TENT5C: variants seen among roughly 807,000 people sequenced by gnomAD.
TENT5C encodes terminal nucleotidyltransferase 5C.
In TENT5C, 5 loss-of-function variants were observed where a neutral mutation model predicts 22.2. The observed-to-expected ratio is 0.22, with a 90% CI of 0.12 to 0.47. The LOEUF is 0.47. TENT5C is among the 20% of genes least tolerant of loss of function. The pLI is 0.99. For synonymous variants in TENT5C, 199 were observed against 195.4 expected, an observed-to-expected ratio of 1.02 and a Z score of -0.15; for missense variants, 364 against 500.9, an observed-to-expected ratio of 0.73 and a Z score of 2.61.
intron 1 of TENT5C, among the ~76,000 whole-genome samples, chr1:117,621,948 C>T (rs936474747): frequency 9.9e-5 from 15 of 152,164 alleles, no homozygotes; most frequent in African/African-American, 3.6e-4. Flanking sequence ...TCTCCTAGTA[C>T]TCATTGCCAA....
chr1:117,607,054 G>A (rs1430720325), intron 1 of TENT5C, among the ~76,000 whole-genome samples: 3 of 152,216 alleles, frequency 2.0e-5, no homozygotes, highest in Non-Finnish European at 4.4e-5. Context: ...TCGCGAGGCA[G>A]GAGGGAGCAG....
intron 1 of TENT5C, among the ~76,000 whole-genome samples, chr1:117,621,264 G>C (rs77725562): frequency 0.024 from 3,663 of 152,174 alleles, 133 homozygotes; most frequent in African/African-American, 0.084. Context: ...GCTGCTTTCT[G>C]CCTCTCGGCC....
chr1:117,616,446 G>T (rs577858128), intron 1 of TENT5C, among the ~76,000 whole-genome samples: 1 of 152,300 alleles, frequency 6.6e-6, no homozygotes, highest in South Asian at 2.1e-4. Flanking sequence ...TAATGGAATG[G>T]TCTCTTTTTG....
At chr1:117,610,499 T>C (rs1325142675) in intron 1 of TENT5C, among the ~76,000 whole-genome samples, 1 of 152,210 alleles carries the variant, frequency 6.6e-6, no homozygotes, top group Non-Finnish European at 1.5e-5. Context: ...GGGGACCCGC[T>C]CTTTTCACAC....
Position 117,623,909 on chromosome 1 carries a change from C to T in TENT5C, c.1041C>T (p.Ile347=). 6.2e-7 allele frequency: 1 copy of T among 1,614,174 alleles called. No homozygotes were observed. Among genetic ancestry groups the T allele is most frequent in the Non-Finnish European group, 8.5e-7 (1 of 1,180,034 alleles). ...ALRVLAEQNI[I]PSATNVTCYY... ...GTGTGCTGGCGGAACAAAACATCAT[C>T]CCCAGTGCCACCAACGTCACCTGTT... The change falls in exon 2 of 2, where the codon ATC becomes ATT. Residue 347 remains isoleucine, a synonymous_variant. Coordinates refer to ENST00000369448, the MANE Select transcript of TENT5C (RefSeq NM_017709.4).
chr1:117,608,521 G>A (rs1249118484), intron 1 of TENT5C, among the ~76,000 whole-genome samples: 1 of 152,180 alleles, frequency 6.6e-6, no homozygotes, highest in East Asian at 1.9e-4. Flanking sequence ...AAAGTCCAAG[G>A]AACAGTGCAG....
At chr1:117,610,033 C>A (rs1653630896) in intron 1 of TENT5C, among the ~76,000 whole-genome samples, 2 of 152,190 alleles carry the variant, frequency 1.3e-5, no homozygotes, top group Non-Finnish European at 2.9e-5. Context: ...TTCCCACCCT[C>A]CCTGACACCA....
chr1:117,624,210 A>G lies in TENT5C; in HGVS notation c.*166A>G. 1 of 637,908 alleles carries G rather than the reference A, an allele frequency of 1.6e-6. No individual in the cohort carries two copies. Among genetic ancestry groups the G allele is most frequent in the Non-Finnish European group, 2.7e-6 (1 of 372,346 alleles). 39.5% of individuals were successfully genotyped at this position (637,908 alleles called of 1,614,324 possible). ...TGTGTACCCATTGGAATGGGTCTAC[A>G]GTGTATCATGAGCCAACCCTCAAAG... On this transcript the variant is annotated 3_prime_UTR_variant, in exon 2 of 2. Coordinates refer to ENST00000369448, the MANE Select transcript of TENT5C (RefSeq NM_017709.4).
In TENT5C at chr1:117,624,120, A is replaced by G; in HGVS notation, c.*76A>G. 1 of 1,221,026 alleles carries G rather than the reference A, an allele frequency of 8.2e-7. No individual in the cohort carries two copies. The allele number at this position is 1,221,026 out of a possible 1,614,324, so 75.6% of individuals were successfully genotyped here. ...CTCAGGTAGGGGAGCCTCCTTCTAGATGTAGGCATTTGGCTTTTAAAGGGG... is the reference window on the plus strand; with the variant it reads ...CTCAGGTAGGGGAGCCTCCTTCTAGGTGTAGGCATTTGGCTTTTAAAGGGG... On this transcript the variant is annotated 3_prime_UTR_variant, in exon 2 of 2. Coordinates refer to ENST00000369448, the MANE Select transcript of TENT5C (RefSeq NM_017709.4).
chr1:117,623,696 C>T lies in TENT5C; in HGVS notation c.828C>T (p.Ile276=), dbSNP rs757468379. The change falls in exon 2 of 2, where the codon ATC becomes ATT. Residue 276 remains isoleucine, a synonymous_variant. Transcript: ENST00000369448. ...LERYMCSRFF[I]DFPDILEQQR... ...GCTACATGTGCTCCAGGTTCTTCAT[C>T]GACTTCCCGGACATCCTTGAACAGC... 35 of 1,614,112 alleles carry T rather than the reference C, an allele frequency of 2.2e-5. No individual in the cohort carries two copies. Among genetic ancestry groups the T allele is most frequent in the South Asian group, 9.9e-5 (9 of 91,072 alleles).
At position 117,626,997 on chromosome 1, in the gene TENT5C, G is replaced by A. The variant is rs886839237; in HGVS notation, c.*2953G>A. 6 of 247,988 alleles carry A rather than the reference G, an allele frequency of 2.4e-5. No homozygotes were observed. Among genetic ancestry groups the A allele is most frequent in the Admixed American group, 1.7e-4 (3 of 17,770 alleles). The allele number at this position is 247,988 out of a possible 1,614,324, so 15.4% of individuals were successfully genotyped here. On this transcript the variant is annotated 3_prime_UTR_variant, in exon 2 of 2. Coordinates refer to ENST00000369448, the MANE Select transcript of TENT5C (RefSeq NM_017709.4). ...CTCCCCTTTAAATCTTACCTTGGCA[G>A]TAACACATTATTCCTCATTCAATAA...
intron 1 of TENT5C, among the ~76,000 whole-genome samples, chr1:117,611,236 C>G (rs537172058): frequency 1.3e-5 from 2 of 152,334 alleles, no homozygotes; most frequent in South Asian, 4.1e-4. Context: ...GAGGACTGAT[C>G]CAGAAGCAGA....
In TENT5C at chr1:117,623,881, T is replaced by C; in HGVS notation, c.1013T>C (p.Leu338Ser). 1 of 1,614,114 alleles carries C rather than the reference T, an allele frequency of 6.2e-7. No individual in the cohort carries two copies. The highest frequency in any genetic ancestry group is 8.5e-7 in the Non-Finnish European group (1 of 1,180,018). ...CTGAACCTCATCTCCCTCCTGGCCT[T>C]GCGTGTGCTGGCGGAACAAAACATC... ...QTLNLISLLA[L>S]RVLAEQNIIP... Residue 338 changes from leucine to serine, a missense_variant, in exon 2 of 2, where the codon TTG (leucine) becomes TCG (serine). By Grantham distance (145) the Leu-to-Ser change is moderately radical (BLOSUM62 -2). Transcript: ENST00000369448.
intron 1 of TENT5C, among the ~76,000 whole-genome samples, chr1:117,622,415 T>A (rs1168546602): frequency 1.3e-5 from 2 of 151,768 alleles, no homozygotes; most frequent in Non-Finnish European, 2.9e-5. Flanking sequence ...ATGTAGACAT[T>A]CTCTTTTTCA....
At position 117,627,887 on chromosome 1, in the gene TENT5C, A is replaced by T. The variant is rs182091336; in HGVS notation, c.*3843A>T. On this transcript the variant is annotated 3_prime_UTR_variant, in exon 2 of 2. Transcript: ENST00000369448. ...GTGCGTGTGTGTGTTCAAGTGCCTA[A>T]ATCTTGTTTACCTATCACTTTAAAA... 4 of 247,614 alleles carry T rather than the reference A, an allele frequency of 1.6e-5. No individual in the cohort carries two copies. Among genetic ancestry groups the T allele is most frequent in the Middle Eastern group, 1.3e-3 (1 of 788 alleles). 15.3% of individuals were successfully genotyped at this position (247,614 alleles called of 1,614,324 possible). A position where few individuals can be genotyped will look rare whatever the true frequency, so the allele number is the denominator to read the frequency against.
rs1775815 is a variant in TENT5C at position 117,606,208 on chromosome 1, G to T, written c.-28+55G>T. 0.61 allele frequency: 92,860 copies of T among 151,820 alleles called. 28,811 individuals carry two copies. The highest frequency in any genetic ancestry group is 0.7 in the African/African-American group (29,158 of 41,400). The allele number at this position is 151,820 out of a possible 1,614,324, so 9.4% of individuals were successfully genotyped here. On this transcript the variant is annotated intron_variant, in intron 1 of 1. Coordinates refer to ENST00000369448, the MANE Select transcript of TENT5C (RefSeq NM_017709.4). ...TGCGGCGATGCGGCAGCAGCCCCAGGGAGCCGCGAGCTCACTTAGTGGGGG... is the reference window on the plus strand; with the variant it reads ...TGCGGCGATGCGGCAGCAGCCCCAGTGAGCCGCGAGCTCACTTAGTGGGGG...
Position 117,611,373 on chromosome 1 carries a change from T to C in TENT5C, c.-28+5220T>C, listed in dbSNP as rs553090784. ...TTTGTCATCTTTTTACCTCCTCTGCTTCTGAGGCTGACTTTAGCTGTGGGG... is the reference window on the plus strand; with the variant it reads ...TTTGTCATCTTTTTACCTCCTCTGCCTCTGAGGCTGACTTTAGCTGTGGGG... On this transcript the variant is annotated intron_variant, in intron 1 of 1. Coordinates refer to ENST00000369448, the MANE Select transcript of TENT5C (RefSeq NM_017709.4). Among the ~76,000 whole-genome samples, 13 of 152,342 alleles carry C rather than the reference T, an allele frequency of 8.5e-5. No homozygotes were observed. In the South Asian group the frequency reaches 2.7e-3, roughly 32 times the overall value.
chr1:117,623,492 C>G lies in TENT5C; in HGVS notation c.624C>G (p.Pro208=). The G allele has an allele frequency of 6.2e-7, 1 of 1,614,134 alleles. No homozygotes were observed. Among genetic ancestry groups the G allele is most frequent in the Non-Finnish European group, 8.5e-7 (1 of 1,180,038 alleles). Residue 208 remains proline (P), a synonymous_variant, in exon 2 of 2, where the codon CCC becomes CCG. Transcript: ENST00000369448. Reference sequence around the variant, plus strand: ...ATCCCATCTCTGAGCACTTCCACCCCACCGTGATTGGGGAGAGCATGTACG... The same window carrying G: ...ATCCCATCTCTGAGCACTTCCACCCGACCGTGATTGGGGAGAGCATGTACG... The part of the protein sequence containing the change: ...SNNPISEHFH[P]TVIGESMYGD...
At chr1:117,615,983 T>C (rs1032188135) in intron 1 of TENT5C, among the ~76,000 whole-genome samples, 1 of 152,174 alleles carries the variant, frequency 6.6e-6, no homozygotes, top group South Asian at 2.1e-4. Flanking sequence ...AAGATCACTT[T>C]AATGGCTATG....
Sources: allele counts gnomAD v4.1 joint callset (sites outside exome capture counted in the v4.1 genomes callset), GRCh38; gene constraint gnomAD v4.1.1; transcripts MANE v1.5; gene names NCBI Gene and HGNC (gene_info 2026-07-23, HGNC 2026-07-21).